IRX5: variants seen among roughly 807,000 people sequenced by gnomAD.
The protein encoded by IRX5 is iroquois-class homeodomain protein IRX-5.
In IRX5, 8 loss-of-function variants were observed where a neutral mutation model predicts 37.6. That is an observed-to-expected ratio of 0.21 (90% CI 0.12 to 0.38). The LOEUF (loss-of-function observed/expected upper bound fraction) is 0.38. IRX5 is among the 10% of genes least tolerant of loss of function. The probability of loss-of-function intolerance (pLI) is 1.00; values close to 1 mark genes in which losing one functional copy is unlikely to be tolerated. For synonymous variants in IRX5, 359 were observed against 328.6 expected (o/e 1.09, Z -1.00); for missense variants, 635 against 695.2 (o/e 0.91, Z 0.97).
chr16:54,932,320 G>A lies in IRX5; in HGVS notation c.250-178G>A. On this transcript the variant is annotated intron_variant, in intron 1 of 2. Coordinates refer to ENST00000394636, the MANE Select transcript of IRX5 (RefSeq NM_005853.6). The surrounding 1 kb of genome is among the most constrained non-coding windows in gnomAD (Gnocchi z 6.7). ...GAAATTGAGGTCCCCGCTGCCTTCT[G>A]AGGAGGGGGAGGAGTTGCTCCTAGG... 1 of 714,582 alleles carries A rather than the reference G, an allele frequency of 1.4e-6. No homozygotes were observed. The highest frequency in any genetic ancestry group is 2.8e-5 in the Admixed American group (1 of 35,464). 44.3% of individuals were successfully genotyped at this position (714,582 alleles called of 1,614,324 possible).
rs748695739 is a variant in IRX5, at chr16:54,931,272, C to T, written c.74C>T (p.Thr25Ile). 3 of 1,612,710 alleles carry T rather than the reference C, an allele frequency of 1.9e-6. No homozygotes were observed. The highest frequency in any genetic ancestry group is 2.5e-6 in the Non-Finnish European group (3 of 1,179,626). Reference sequence around the variant, plus strand: ...CTCTACTCGTGCCCGGCGTACAGCACCAGCGTCATTTCGGGGCCCCGCACG... The same window carrying T: ...CTCTACTCGTGCCCGGCGTACAGCATCAGCGTCATTTCGGGGCCCCGCACG... ...LALYSCPAYS[T>I]SVISGPRTDE... The change falls in exon 1 of 3, where the codon ACC (threonine) becomes ATC (isoleucine). Residue 25 changes from threonine (T) to isoleucine (I), a missense_variant. Physicochemically the swap from Thr to Ile is moderately conservative, Grantham distance 89 (BLOSUM62 -1). Transcript: ENST00000394636.
In IRX5 at chr16:54,932,028, C is replaced by G; in HGVS notation, c.250-470C>G. The G allele has an allele frequency of 1.4e-6, 1 of 701,094 alleles. No homozygotes were observed. The highest frequency in any genetic ancestry group is 2.7e-5 in the East Asian group (1 of 37,260). The allele number at this position is 701,094 out of a possible 1,614,324, so 43.4% of individuals were successfully genotyped here. A position where few individuals can be genotyped will look rare whatever the true frequency, so the allele number is the denominator to read the frequency against. On this transcript the variant is annotated intron_variant, in intron 1 of 2. Coordinates refer to ENST00000394636, the MANE Select transcript of IRX5 (RefSeq NM_005853.6). This position sits in a 1 kb window ranked among gnomAD's most constrained non-coding sequence, Gnocchi z 6.7. Reference sequence around the variant, plus strand: ...GGAGGGTGGGAGTGCGTGGGCATGGCTCAGCTTTTTGTTTGCATTTCTTAG... The same window carrying G: ...GGAGGGTGGGAGTGCGTGGGCATGGGTCAGCTTTTTGTTTGCATTTCTTAG...
intron 1 of IRX5, 40 bp downstream of exon 1, chr16:54,931,487 G>A: frequency 6.7e-7 from 1 of 1,499,784 alleles, no homozygotes; most frequent in Non-Finnish European, 8.8e-7. Context: ...GGGCAGCAGG[G>A]GCCGGGCGGG....
In IRX5 at chr16:54,932,129, G is replaced by T. The variant is rs1308294773; in HGVS notation, c.250-369G>T. On this transcript the variant is annotated intron_variant, in intron 1 of 2. Transcript: ENST00000394636. The surrounding 1 kb of genome is among the most constrained non-coding windows in gnomAD (Gnocchi z 6.7). ...GCGCCCAACGTGCGTCCGCTCCCCCGCCGAGCGCGGAGTCGCCTCAGTTGC... is the reference window on the plus strand; with the variant it reads ...GCGCCCAACGTGCGTCCGCTCCCCCTCCGAGCGCGGAGTCGCCTCAGTTGC... The T allele has an allele frequency of 1.4e-6, 1 of 702,872 alleles. No individual in the cohort carries two copies. Among genetic ancestry groups the T allele is most frequent in the Non-Finnish European group, 2.6e-6 (1 of 384,970 alleles). 43.5% of individuals were successfully genotyped at this position (702,872 alleles called of 1,614,324 possible).
Position 54,931,276 on chromosome 16 carries a change from C to A in IRX5, c.78C>A (p.Ser26Arg). ...ALYSCPAYST[S>R]VISGPRTDEL... ...ACTCGTGCCCGGCGTACAGCACCAG[C>A]GTCATTTCGGGGCCCCGCACGGATG... is the stretch of plus-strand genomic sequence containing the variant. Residue 26 changes from serine (S) to arginine (R), a missense_variant, in exon 1 of 3, where the codon AGC becomes AGA. Coordinates refer to ENST00000394636, the MANE Select transcript of IRX5 (RefSeq NM_005853.6). 1 of 1,612,662 alleles carries A rather than the reference C, an allele frequency of 6.2e-7. No individual in the cohort carries two copies. The highest frequency in any genetic ancestry group is 8.5e-7 in the Non-Finnish European group (1 of 1,179,608).
chr16:54,932,526 T>G lies in IRX5; in HGVS notation c.278T>G (p.Met93Arg). The G allele has an allele frequency of 6.2e-7, 1 of 1,613,116 alleles. No individual in the cohort carries two copies. ...TCTCCCTACGACCACACACCCGGCA[T>G]GGCGGGCTCCTTGGGGTACCATCCT... ...VGSPYDHTPG[M>R]AGSLGYHPYA... Residue 93 changes from methionine (M) to arginine (R), a missense_variant, in exon 2 of 3, where the codon ATG becomes AGG. By Grantham distance (91) the Met-to-Arg change is moderately conservative. Around this residue, in one of 5 missense-constraint regions of IRX5, gnomAD observed 145 missense variants for 152.4 expected, o/e 0.95. Transcript: ENST00000394636. This position sits in a 1 kb window ranked among gnomAD's most constrained non-coding sequence, Gnocchi z 6.7.
rs754495831 is a variant in IRX5 at position 54,932,417 on chromosome 16, C to A, written c.250-81C>A. ...TCGTCCACCCACAGACCCCGGGGAGCGCAGGGAAAAGGGTGCTTCGGTCGT... is the reference window on the plus strand; with the variant it reads ...TCGTCCACCCACAGACCCCGGGGAGAGCAGGGAAAAGGGTGCTTCGGTCGT... On this transcript the variant is annotated intron_variant, in intron 1 of 2. Coordinates refer to ENST00000394636, the MANE Select transcript of IRX5 (RefSeq NM_005853.6). The surrounding 1 kb of genome is among the most constrained non-coding windows in gnomAD (Gnocchi z 6.7). 1.4e-6 allele frequency: 2 copies of A among 1,476,570 alleles called. No individual in the cohort carries two copies. The highest frequency in any genetic ancestry group is 1.3e-5 in the South Asian group (1 of 75,498). The allele number at this position is 1,476,570 out of a possible 1,614,324, so 91.5% of individuals were successfully genotyped here. A position where few individuals can be genotyped will look rare whatever the true frequency, so the allele number is the denominator to read the frequency against.
Position 54,932,361 on chromosome 16 carries a change from C to T in IRX5, c.250-137C>T. ...TGCTCCTAGGTCTGAACCCCGCCAGCCTTGCCCCGTAGGAAGCTGGAGTGC... is the reference window on the plus strand; with the variant it reads ...TGCTCCTAGGTCTGAACCCCGCCAGTCTTGCCCCGTAGGAAGCTGGAGTGC... On this transcript the variant is annotated intron_variant, in intron 1 of 2. Transcript: ENST00000394636. This position sits in a 1 kb window ranked among gnomAD's most constrained non-coding sequence, Gnocchi z 6.7. 1 of 1,009,854 alleles carries T rather than the reference C, an allele frequency of 9.9e-7. No individual in the cohort carries two copies. Among genetic ancestry groups the T allele is most frequent in the Non-Finnish European group, 1.4e-6 (1 of 704,980 alleles). 62.6% of individuals were successfully genotyped at this position (1,009,854 alleles called of 1,614,324 possible). A position where few individuals can be genotyped will look rare whatever the true frequency, so the allele number is the denominator to read the frequency against.
In IRX5 at chr16:54,934,033, C is replaced by A; in HGVS notation, c.*160C>A. On this transcript the variant is annotated 3_prime_UTR_variant, in exon 3 of 3. Transcript: ENST00000394636. The stretch of plus-strand genomic sequence containing the variant: ...GAGATGGATGACATAAAAATGTAAA[C>A]ATCTCCACACAAAAAAAAAAATGTC... The A allele has an allele frequency of 3.2e-6, 2 of 619,532 alleles. No homozygotes were observed. Among genetic ancestry groups the A allele is most frequent in the Non-Finnish European group, 4.9e-6 (2 of 409,718 alleles). The allele number at this position is 619,532 out of a possible 1,614,324, so 38.4% of individuals were successfully genotyped here. A position where few individuals can be genotyped will look rare whatever the true frequency, so the allele number is the denominator to read the frequency against.
Position 54,933,681 on chromosome 16 carries a change from C to T in IRX5, c.1260C>T (p.His420=). 6.2e-7 allele frequency: 1 copy of T among 1,613,618 alleles called. No individual in the cohort carries two copies. Among genetic ancestry groups the T allele is most frequent in the Non-Finnish European group, 8.5e-7 (1 of 1,179,772 alleles). The change falls in exon 3 of 3, where the codon CAC becomes CAT. Residue 420 remains histidine, a synonymous_variant. Coordinates refer to ENST00000394636, the MANE Select transcript of IRX5 (RefSeq NM_005853.6). ...ACACGAACTATGGCTCCTTCGGACA[C>T]CTTCATGGCCACCCGGGGCCCGGGC... ...PGYTNYGSFG[H]LHGHPGPGPG...
Position 54,931,166 on chromosome 16 carries a change from G to T in IRX5, c.-33G>T, listed in dbSNP as rs1412396457. ...GGCGCCGCCCGGCTCGTTGGCGGCC[G>T]CGGCGCGGCGCGCCCCATGCCCGTG... On this transcript the variant is annotated 5_prime_UTR_variant, in exon 1 of 3. Transcript: ENST00000394636. The T allele has an allele frequency of 1.5e-6, 2 of 1,337,020 alleles. No individual in the cohort carries two copies. The highest frequency in any genetic ancestry group is 1.9e-6 in the Non-Finnish European group (2 of 1,041,488). The allele number at this position is 1,337,020 out of a possible 1,614,324, so 82.8% of individuals were successfully genotyped here.
chr16:54,931,546 C>G, intron 1 of IRX5, 99 bp downstream of exon 1: 5 of 1,390,216 alleles, frequency 3.6e-6, no homozygotes, highest in Non-Finnish European at 4.7e-6. Context: ...CACCGACCTC[C>G]CCCGCCAAGC....
rs1376475391 is a variant in IRX5, at chr16:54,933,392, C to T, written c.971C>T (p.Pro324Leu). The T allele has an allele frequency of 6.4e-7, 1 of 1,562,548 alleles. No homozygotes were observed. The highest frequency in any genetic ancestry group is 1.2e-5 in the South Asian group (1 of 84,026). ...GTTATCCATTCGCCGCCTCCGCCGC[C>T]GCCTCCTGCGGTGCTCGCCAAGCCC... ...PSVIHSPPPP[P>L]PPAVLAKPKL... Residue 324 changes from proline to leucine, a missense_variant, in exon 3 of 3, where the codon CCG becomes CTG. Physicochemically the swap from Pro to Leu is moderately conservative, Grantham distance 98 (BLOSUM62 -3). Coordinates refer to ENST00000394636, the MANE Select transcript of IRX5 (RefSeq NM_005853.6).
rs1242260817 is a variant in IRX5, at chr16:54,933,966, G to A, written c.*93G>A. On this transcript the variant is annotated 3_prime_UTR_variant, in exon 3 of 3. Transcript: ENST00000394636. ...TCACCGAGAGAGAGAGACAGAGAGA[G>A]AAAATAAACTACCCCTCCTATTCAG... The A allele has an allele frequency of 3.1e-6, 4 of 1,281,558 alleles. No individual in the cohort carries two copies. The Admixed American group carries it at 7.4e-5, about 24-fold the overall frequency. 79.4% of individuals were successfully genotyped at this position (1,281,558 alleles called of 1,614,324 possible). A position where few individuals can be genotyped will look rare whatever the true frequency, so the allele number is the denominator to read the frequency against.
chr16:54,933,487 G>A lies in IRX5; in HGVS notation c.1066G>A (p.Gly356Ser). The change falls in exon 3 of 3, where the codon GGC becomes AGC. Residue 356 changes from glycine (G) to serine (S), a missense_variant. Coordinates refer to ENST00000394636, the MANE Select transcript of IRX5 (RefSeq NM_005853.6). Reference protein sequence around the residue: ...KVKDGGGGNEGSPCPPCPGPI... With the variant: ...KVKDGGGGNESSPCPPCPGPI... Reference sequence around the variant, plus strand: ...CAAGGACGGGGGCGGCGGGAACGAGGGCTCTCCATGCCCACCGTGTCCCGG... The same window carrying A: ...CAAGGACGGGGGCGGCGGGAACGAGAGCTCTCCATGCCCACCGTGTCCCGG... 6.2e-7 allele frequency: 1 copy of A among 1,611,642 alleles called. No individual in the cohort carries two copies. The highest frequency in any genetic ancestry group is 8.5e-7 in the Non-Finnish European group (1 of 1,179,372).
Position 54,931,303 on chromosome 16 carries a change from G to C in IRX5, c.105G>C (p.Glu35Asp), listed in dbSNP as rs1390213074. Residue 35 changes from glutamate to aspartate, a missense_variant, in exon 1 of 3, where the codon GAG (glutamate) becomes GAC (aspartate). Around this residue, in one of 5 missense-constraint regions of IRX5, gnomAD observed 145 missense variants for 152.4 expected, o/e 0.95. Transcript: ENST00000394636. The part of the protein sequence containing the change: ...TSVISGPRTD[E>D]LGRSSSGSAF... Reference sequence around the variant, plus strand: ...TCATTTCGGGGCCCCGCACGGATGAGCTCGGCCGCTCTTCTTCGGGCTCCG... The same window carrying C: ...TCATTTCGGGGCCCCGCACGGATGACCTCGGCCGCTCTTCTTCGGGCTCCG... 1.2e-6 allele frequency: 2 copies of C among 1,612,260 alleles called. No homozygotes were observed. The highest frequency in any genetic ancestry group is 1.7e-6 in the Non-Finnish European group (2 of 1,179,632).
chr16:54,933,101 CG>C lies in IRX5; in HGVS notation c.683del (p.Gly228AlafsTer139). The C allele has an allele frequency of 6.3e-7, 1 of 1,591,702 alleles. No individual in the cohort carries two copies. Among genetic ancestry groups the C allele is most frequent in the South Asian group, 1.1e-5 (1 of 89,488 alleles). On this transcript the variant is annotated frameshift_variant, in exon 3 of 3. Transcript: ENST00000394636. LOFTEE classifies it high-confidence loss of function. ...EAGGAEQKAA[S>X]GCERLQGPPT... ...GGAGGAGCTGAGCAGAAGGCGGCTT[CG>C]GGCTGCGAACGGCTTCAGGGACCAC... is the stretch of plus-strand genomic sequence containing the variant.
At position 54,933,229 on chromosome 16, in the gene IRX5, A is replaced by G; in HGVS notation, c.808A>G (p.Thr270Ala). Residue 270 changes from threonine (T) to alanine (A), a missense_variant, in exon 3 of 3, where the codon ACC (threonine) becomes GCC (alanine). By Grantham distance (58) the Thr-to-Ala change is moderately conservative. Transcript: ENST00000394636. ...RLDALQGPPR[T>A]GGPSPAGPAA... ...CGACGCGCTGCAGGGCCCCCCCCGC[A>G]CCGGCGGGCCCTCCCCGGCTGGGCC... is the stretch of plus-strand genomic sequence containing the variant. 2 of 1,487,084 alleles carry G rather than the reference A, an allele frequency of 1.3e-6. No homozygotes were observed. Among genetic ancestry groups the G allele is most frequent in the Non-Finnish European group, 1.8e-6 (2 of 1,125,964 alleles). The allele number at this position is 1,487,084 out of a possible 1,614,324, so 92.1% of individuals were successfully genotyped here.
In IRX5 at chr16:54,931,174, G is replaced by C. The variant is rs1386121295; in HGVS notation, c.-25G>C. On this transcript the variant is annotated 5_prime_UTR_variant, in exon 1 of 3. Coordinates refer to ENST00000394636, the MANE Select transcript of IRX5 (RefSeq NM_005853.6). ...CCGGCTCGTTGGCGGCCGCGGCGCGGCGCGCCCCATGCCCGTGTGTGGCCA... is the reference window on the plus strand; with the variant it reads ...CCGGCTCGTTGGCGGCCGCGGCGCGCCGCGCCCCATGCCCGTGTGTGGCCA... 1 of 1,370,196 alleles carries C rather than the reference G, an allele frequency of 7.3e-7. No homozygotes were observed. The highest frequency in any genetic ancestry group is 1.5e-5 in the African/African-American group (1 of 66,404). 84.9% of individuals were successfully genotyped at this position (1,370,196 alleles called of 1,614,324 possible).
Sources: gnomAD v4.1 joint callset for allele counts on GRCh38, gnomAD v4.1.1 for gene constraint, gnomAD v4.1.1 regional missense constraint, Gnocchi (gnomAD v3.1) non-coding constraint, MANE v1.5 for transcripts, NCBI Gene and HGNC (gene_info 2026-07-23, HGNC 2026-07-21) for gene names.